The following LYST variants were observed in gnomAD, a reference collection of about 807,000 sequenced individuals.
LYST encodes the protein lysosomal-trafficking regulator.
A neutral mutation model predicts 413.6 loss-of-function variants in LYST; 192 were observed. The ratio of observed to expected loss-of-function variants is 0.46; its 90% CI spans 0.41 to 0.52. The LOEUF is 0.52. Ranked by LOEUF, LYST falls within the 20% of genes least tolerant of loss-of-function variation. The probability of loss-of-function intolerance (pLI) is 0.00; values close to 1 mark genes in which losing one functional copy is unlikely to be tolerated. For synonymous variants in LYST, 1,525 were observed against 1,567.3 expected, an observed-to-expected ratio of 0.97 and a Z score of 0.64; for missense variants, 3,815 against 4,499.9, an observed-to-expected ratio of 0.85 and a Z score of 4.35.
intron 3 of LYST, among the ~76,000 whole-genome samples, chr1:235,819,327 A>C (rs1674500769): frequency 6.6e-6 from 1 of 152,228 alleles, no homozygotes; most frequent in African/African-American, 2.4e-5. Flanking sequence ...GGTCCCAAAG[A>C]AACCACATTT....
In LYST at chr1:235,777,236, T is replaced by C; in HGVS notation, c.5287A>G (p.Lys1763Glu). The C allele has an allele frequency of 6.2e-7, 1 of 1,613,370 alleles. No homozygotes were observed. The highest frequency in any genetic ancestry group is 8.5e-7 in the Non-Finnish European group (1 of 1,179,408). Residue 1763 changes from lysine (K) to glutamate (E), a missense_variant, in exon 17 of 53, where the codon AAA becomes GAA. Coordinates refer to ENST00000389793, the MANE Select transcript of LYST (RefSeq NM_000081.4). Reference sequence around the variant, plus strand: ...GAGAGTTGGGTTTTCATTTGACCTTTAAGTCTAATCACTGGTTCATAGATG... The same window carrying C: ...GAGAGTTGGGTTTTCATTTGACCTTCAAGTCTAATCACTGGTTCATAGATG... ...YTIYEPVIRL[K>E]GQMKTQLSQR...
intron 22 of LYST, among the ~76,000 whole-genome samples, chr1:235,761,303 A>T (rs547691125): frequency 6.6e-6 from 1 of 152,306 alleles, no homozygotes; most frequent in South Asian, 2.1e-4. Flanking sequence ...GAAGCTAAAG[A>T]CAAGACTAGG....
chr1:235,666,492 C>A (rs1658480895), intron 50 of LYST, among the ~76,000 whole-genome samples: 1 of 151,878 alleles, frequency 6.6e-6, no homozygotes, highest in Non-Finnish European at 1.5e-5. Context: ...GTGGTGATGG[C>A]TGCACAACAC....
At chr1:235,856,138 C>T (rs1679158189) in intron 1 of LYST, among the ~76,000 whole-genome samples, 1 of 152,088 alleles carries the variant, frequency 6.6e-6, no homozygotes. Flanking sequence ...TTCTATCATA[C>T]TCGGTAGTTT....
At position 235,680,657 on chromosome 1, in the gene LYST, G is replaced by A. The variant is rs551716222; in HGVS notation, c.10801-3038C>T. On this transcript the variant is annotated intron_variant, in intron 48 of 52. Transcript: ENST00000389793. ...CTTGCTGCCCAGGCTGGAGTGCAATGGCGCAACCTTGGCCCACTGCAACCT... is the reference window on the plus strand; with the variant it reads ...CTTGCTGCCCAGGCTGGAGTGCAATAGCGCAACCTTGGCCCACTGCAACCT... Among the ~76,000 whole-genome samples the A allele has an allele frequency of 4.0e-5, 6 of 151,390 alleles. 1 individual carries two copies. In the South Asian group the frequency reaches 1.3e-3, roughly 32 times the overall value.
chr1:235,867,771 A>G (rs1455862881), upstream of LYST, among the ~76,000 whole-genome samples: 1 of 152,244 alleles, frequency 6.6e-6, no homozygotes, highest in Non-Finnish European at 1.5e-5. Context: ...CGCCAGAGGT[A>G]CTGGGAAAAA....
chr1:235,776,702 T>A (rs537266731), intron 17 of LYST, among the ~76,000 whole-genome samples: 10 of 151,766 alleles, frequency 6.6e-5, no homozygotes, highest in East Asian at 1.9e-4. Context: ...TTTTTTTTTT[T>A]AAAGTATTTT....
chr1:235,662,791 A>C lies in LYST; in HGVS notation c.*149T>G. ...TCCTCTTAGGATCATGTGACTCTTC[A>C]GAATTTTGTGCAGATGAATAGACTT... On this transcript the variant is annotated 3_prime_UTR_variant, in exon 53 of 53. Transcript: ENST00000389793. 1 of 754,736 alleles carries C rather than the reference A, an allele frequency of 1.3e-6. No homozygotes were observed. Among genetic ancestry groups the C allele is most frequent in the South Asian group, 1.4e-5 (1 of 72,940 alleles). 46.8% of individuals were successfully genotyped at this position (754,736 alleles called of 1,614,324 possible). A position where few individuals can be genotyped will look rare whatever the true frequency, so the allele number is the denominator to read the frequency against.
intron 3 of LYST, among the ~76,000 whole-genome samples, chr1:235,829,204 C>CA (rs955023123): frequency 2.6e-5 from 4 of 151,548 alleles, no homozygotes; most frequent in Admixed American, 1.3e-4. Flanking sequence ...CTCTGTGTCT[C>CA]AAAAAAAACC....
intron 30 of LYST, among the ~76,000 whole-genome samples, chr1:235,743,452 A>G (rs1021091008): frequency 6.6e-6 from 1 of 152,174 alleles, no homozygotes; most frequent in African/African-American, 2.4e-5. Flanking sequence ...GGCTTTTGCT[A>G]TCTATAGAGT....
rs758873397 is a variant in LYST, at chr1:235,693,186, A to G, written c.10701+164T>C. Among the ~76,000 whole-genome samples the G allele has an allele frequency of 1.3e-4, 19 of 151,628 alleles. 1 individual carries two copies. The highest frequency in any genetic ancestry group is 1.3e-4 in the Non-Finnish European group (9 of 67,952). ...CAAAAAGTCAGCTGGGCGTGGTGGC[A>G]GGTGCCTGTAGTCCCAGCTACTTGG... On this transcript the variant is annotated intron_variant, in intron 47 of 52. Coordinates refer to ENST00000389793, the MANE Select transcript of LYST (RefSeq NM_000081.4).
At chr1:235,666,631 CACACAT>C (rs915209210) in intron 50 of LYST, among the ~76,000 whole-genome samples, 13 of 151,550 alleles carry the variant, frequency 8.6e-5, no homozygotes, top group African/African-American at 2.9e-4. Flanking sequence ...CACACACACA[CACACAT>C]GCCCAATGTT....
At chr1:235,850,482 C>G (rs1275291548) in intron 1 of LYST, among the ~76,000 whole-genome samples, 2 of 152,098 alleles carry the variant, frequency 1.3e-5, no homozygotes, top group Non-Finnish European at 2.9e-5. Context: ...GATTTCATGA[C>G]AGAGAACCCA....
chr1:235,858,510 C>T (rs1679470920), intron 1 of LYST, among the ~76,000 whole-genome samples: 1 of 152,190 alleles, frequency 6.6e-6, no homozygotes, highest in African/African-American at 2.4e-5. Context: ...TGAGAATTCT[C>T]ACATCTATGT....
intron 46 of LYST, among the ~76,000 whole-genome samples, chr1:235,695,448 G>T (rs540724712): frequency 6.6e-6 from 1 of 152,106 alleles, no homozygotes; most frequent in Non-Finnish European, 1.5e-5. Flanking sequence ...TACATTGTGC[G>T]AAGAAATTAA....
intron 23 of LYST, among the ~76,000 whole-genome samples, chr1:235,757,845 T>C (rs1453595620): frequency 2.0e-5 from 3 of 152,078 alleles, no homozygotes; most frequent in Non-Finnish European, 4.4e-5. Flanking sequence ...TTGCAGAAAG[T>C]TTCACTGGAC....
chr1:235,867,497 A>C (rs1680691745), upstream of LYST, among the ~76,000 whole-genome samples: 2 of 151,602 alleles, frequency 1.3e-5, no homozygotes, highest in Admixed American at 1.3e-4. Context: ...AGAGCTTTGC[A>C]AAGCCACTGC....
At chr1:235,788,320 T>C (rs1405798752) in intron 13 of LYST, among the ~76,000 whole-genome samples, 1 of 152,012 alleles carries the variant, frequency 6.6e-6, no homozygotes, top group African/African-American at 2.4e-5. Context: ...CCATCATGCC[T>C]GGCTAATTTT....
rs1659440744 is a variant in LYST, at chr1:235,677,080, A to G, written c.11038+11T>C. ...CAGCCAGCCCTGTGCTTTGGGTTGG[A>G]GCAAGCTCACCTGAATCACACACAG... On this transcript the variant is annotated intron_variant, in intron 50 of 52. Transcript: ENST00000389793. 2 of 1,608,626 alleles carry G rather than the reference A, an allele frequency of 1.2e-6. No individual in the cohort carries two copies. The highest frequency in any genetic ancestry group is 1.7e-6 in the Non-Finnish European group (2 of 1,175,174).
Sources: allele counts gnomAD v4.1 joint callset (sites outside exome capture counted in the v4.1 genomes callset), GRCh38; gene constraint gnomAD v4.1.1; transcripts MANE v1.5; gene names NCBI Gene and HGNC (gene_info 2026-07-23, HGNC 2026-07-21).